Variants in INPP1 observed in about 807,000 individuals in gnomAD.
INPP1 encodes inositol polyphosphate-1-phosphatase, also known as inositol polyphosphate 1-phosphatase.
Under a neutral mutation model 23.0 loss-of-function variants are expected in INPP1, and 18 were observed. The observed-to-expected ratio is 0.78, with a 90% confidence interval of 0.54 to 1.16. INPP1 has a LOEUF of 1.16. INPP1 is among the 50% of genes most tolerant of loss of function. The pLI is 0.00. For synonymous variants in INPP1, 164 were observed against 176.3 expected (o/e 0.93, Z 0.55); for missense variants, 448 against 482.1 (o/e 0.93, Z 0.66).
In INPP1 at chr2:190,371,138, A is replaced by G; in HGVS notation, c.936A>G (p.Thr312=). 6.2e-7 allele frequency: 1 copy of G among 1,614,188 alleles called. No homozygotes were observed. The highest frequency in any genetic ancestry group is 8.5e-7 in the Non-Finnish European group (1 of 1,180,036). ...VDIYIFSEDT[T]FKWDSCAAHA... The stretch of plus-strand genomic sequence containing the variant: ...TTTACATCTTTTCAGAAGATACCAC[A>G]TTCAAATGGGACTCTTGTGCTGCTC... Residue 312 remains threonine, a synonymous_variant, in exon 7 of 7, where the codon ACA becomes ACG. Transcript: ENST00000392329. The surrounding 1 kb of genome is among the most constrained non-coding windows in gnomAD (Gnocchi z 5.3).
At chr2:190,353,155 C>T (rs139755499) in intron 2 of INPP1, among the ~76,000 whole-genome samples, 1 of 152,296 alleles carries the variant, frequency 6.6e-6, no homozygotes, top group East Asian at 1.9e-4. Context: ...AACAAAAGGG[C>T]ACAGCCAGCT....
At chr2:190,348,517 C>T (rs1313254446) in intron 1 of INPP1, among the ~76,000 whole-genome samples, 1 of 152,170 alleles carries the variant, frequency 6.6e-6, no homozygotes, top group East Asian at 1.9e-4. Context: ...TCATCCCACA[C>T]AAAAACTATA....
At position 190,351,849 on chromosome 2, in the gene INPP1, A is replaced by T. The variant is rs183754259; in HGVS notation, c.-65+2818A>T. Among the ~76,000 whole-genome samples, 231 of 152,368 alleles carry T rather than the reference A, an allele frequency of 1.5e-3. 3 individuals carry two copies. Among genetic ancestry groups the T allele is most frequent in the Admixed American group, 5.7e-3 (87 of 15,312 alleles). ...AAGGGAAATTAAATTGCTGGATCAT[A>T]GATTATACTTATAGTCAACAAATTA... On this transcript the variant is annotated intron_variant, in intron 2 of 6. Coordinates refer to ENST00000392329, the MANE Select transcript of INPP1 (RefSeq NM_001128928.2).
In INPP1 at chr2:190,346,503, T is replaced by G. The variant is rs1689218066; in HGVS notation, c.-208-2385T>G. 6.6e-6 allele frequency among the ~76,000 whole-genome samples: 1 copy of G among 152,246 alleles called. No individual in the cohort carries two copies. The highest frequency in any genetic ancestry group is 1.5e-5 in the Non-Finnish European group (1 of 68,050). Reference sequence around the variant, plus strand: ...TTTTTTATGTGGTATGTAATGTTAATTCAATTTCTTGAATGTGATAAGAGC... The same window carrying G: ...TTTTTTATGTGGTATGTAATGTTAAGTCAATTTCTTGAATGTGATAAGAGC... On this transcript the variant is annotated intron_variant, in intron 1 of 6. Transcript: ENST00000392329. The surrounding 1 kb of genome is among the most constrained non-coding windows in gnomAD (Gnocchi z 5.1).
At position 190,346,579 on chromosome 2, in the gene INPP1, C is replaced by A. The variant is rs1309610724; in HGVS notation, c.-208-2309C>A. 1.3e-5 allele frequency among the ~76,000 whole-genome samples: 2 copies of A among 152,096 alleles called. No individual in the cohort carries two copies. Among genetic ancestry groups the A allele is most frequent in the African/African-American group, 4.8e-5 (2 of 41,404 alleles). On this transcript the variant is annotated intron_variant, in intron 1 of 6. Coordinates refer to ENST00000392329, the MANE Select transcript of INPP1 (RefSeq NM_001128928.2). The surrounding 1 kb of genome is among the most constrained non-coding windows in gnomAD (Gnocchi z 5.1). ...GATTACTGTAACTAGTAATCCACAG[C>A]AAAATATTGTACCTAATAATTTCTC...
rs548765147 is a variant in INPP1 at position 190,352,637 on chromosome 2, T to C, written c.-65+3606T>C. Reference sequence around the variant, plus strand: ...CCCTGTCCCTTCTGCACAAACAACCTCCAATCTTTAAAACTACTCCCCAAG... The same window carrying C: ...CCCTGTCCCTTCTGCACAAACAACCCCCAATCTTTAAAACTACTCCCCAAG... On this transcript the variant is annotated intron_variant, in intron 2 of 6. Coordinates refer to ENST00000392329, the MANE Select transcript of INPP1 (RefSeq NM_001128928.2). The surrounding 1 kb of genome is among the most constrained non-coding windows in gnomAD (Gnocchi z 4.7). 6.6e-6 allele frequency among the ~76,000 whole-genome samples: 1 copy of C among 152,022 alleles called. No individual in the cohort carries two copies. The highest frequency in any genetic ancestry group is 2.1e-4 in the South Asian group (1 of 4,810).
Position 190,349,001 on chromosome 2 carries a change from G to A in INPP1, c.-95G>A, listed in dbSNP as rs1182834206. The A allele has an allele frequency of 1.3e-5, 2 of 152,212 alleles. No homozygotes were observed. Among genetic ancestry groups the A allele is most frequent in the Admixed American group, 6.5e-5 (1 of 15,292 alleles). The allele number at this position is 152,212 out of a possible 1,614,324, so 9.4% of individuals were successfully genotyped here. On this transcript the variant is annotated 5_prime_UTR_variant, in exon 2 of 7. Coordinates refer to ENST00000392329, the MANE Select transcript of INPP1 (RefSeq NM_001128928.2). ...GGCTCTTTCTACCGCACACCCTGCA[G>A]GCCCATCCAGGCCCATCCAGACAAT... is the stretch of plus-strand genomic sequence containing the variant.
chr2:190,370,311 T>C (rs1478481972), intron 6 of INPP1, among the ~76,000 whole-genome samples: 1 of 152,180 alleles, frequency 6.6e-6, no homozygotes, highest in Non-Finnish European at 1.5e-5. Flanking sequence ...AAGTTAAGCA[T>C]TGATAAAGGG....
At position 190,355,608 on chromosome 2, in the gene INPP1, G is replaced by A. The variant is rs1379516139; in HGVS notation, c.-64-4431G>A. Among the ~76,000 whole-genome samples the A allele has an allele frequency of 3.9e-5, 6 of 152,100 alleles. No individual in the cohort carries two copies. The highest frequency in any genetic ancestry group is 7.4e-5 in the Non-Finnish European group (5 of 68,016). ...GCCATCTTGGGTAATTCTGATACAGGTAACTCTCAGAACATCCATTGAGAA... is the reference window on the plus strand; with the variant it reads ...GCCATCTTGGGTAATTCTGATACAGATAACTCTCAGAACATCCATTGAGAA... On this transcript the variant is annotated intron_variant, in intron 2 of 6. Coordinates refer to ENST00000392329, the MANE Select transcript of INPP1 (RefSeq NM_001128928.2). This position sits in a 1 kb window ranked among gnomAD's most constrained non-coding sequence, Gnocchi z 5.1.
Position 190,360,181 on chromosome 2 carries a change from G to C in INPP1, c.79G>C (p.Ala27Pro). 6.2e-7 allele frequency: 1 copy of C among 1,614,196 alleles called. No homozygotes were observed. Among genetic ancestry groups the C allele is most frequent in the Non-Finnish European group, 8.5e-7 (1 of 1,180,034 alleles). ...TGCCCGGGCGTGCAGACAGCAGGAA[G>C]CCCTCTTCCAGCTGCTGATCGAAGA... Reference protein sequence around the residue: ...NIARACRQQEALFQLLIEEKK... With the variant: ...NIARACRQQEPLFQLLIEEKK... The change falls in exon 3 of 7, where the codon GCC (alanine) becomes CCC (proline). Residue 27 changes from alanine to proline, a missense_variant. Ala to Pro is a conservative substitution (Grantham distance 27, BLOSUM62 -1). Coordinates refer to ENST00000392329, the MANE Select transcript of INPP1 (RefSeq NM_001128928.2).
chr2:190,350,794 A>T (rs1452536690), intron 2 of INPP1, among the ~76,000 whole-genome samples: 4 of 152,234 alleles, frequency 2.6e-5, no homozygotes, highest in African/African-American at 4.8e-5. Context: ...CACAAAACCA[A>T]ATTAAACTCA....
chr2:190,366,558 GCTCT>G, intron 4 of INPP1, 133 bp from the exon 5 acceptor site: 5 of 653,238 alleles, frequency 7.7e-6, no homozygotes, highest in South Asian at 7.2e-5. Flanking sequence ...GCTCTGTCTC[GCTCT>G]CTGTGTCTCT....
At chr2:190,359,913 A>G (rs1186015643) in intron 2 of INPP1, 126 bp from the exon 3 acceptor site, 4 of 575,252 alleles carry the variant, frequency 7.0e-6, no homozygotes, top group Non-Finnish European at 1.2e-5. Context: ...GGATGTGAAT[A>G]TGATATAGAC....
At chr2:190,348,370 C>G (rs1689264103) in intron 1 of INPP1, among the ~76,000 whole-genome samples, 1 of 151,538 alleles carries the variant, frequency 6.6e-6, no homozygotes, top group African/African-American at 2.4e-5. Context: ...TTTTTTTTAA[C>G]TTTAAAAAAA....
At position 190,368,377 on chromosome 2, in the gene INPP1, CTCTT is replaced by C; in HGVS notation, c.467-721_467-718del. Among the ~76,000 whole-genome samples, 1 of 152,314 alleles carries C rather than the reference CTCTT, an allele frequency of 6.6e-6. No individual in the cohort carries two copies. Among genetic ancestry groups the C allele is most frequent in the East Asian group, 1.9e-4 (1 of 5,190 alleles). On this transcript the variant is annotated intron_variant, in intron 5 of 6. Coordinates refer to ENST00000392329, the MANE Select transcript of INPP1 (RefSeq NM_001128928.2). This position sits in a 1 kb window ranked among gnomAD's most constrained non-coding sequence, Gnocchi z 4.3. ...CTTTTTTTGGTGCCACCATCATTGT[CTCTT>C]TCTTCCTTCTAACTTGAGGGACCAA...
chr2:190,347,225 A>G (rs959836482), intron 1 of INPP1, among the ~76,000 whole-genome samples: 7 of 151,720 alleles, frequency 4.6e-5, no homozygotes, highest in African/African-American at 1.7e-4. Flanking sequence ...GTTAGCCAGG[A>G]TGGTCTCGAT....
chr2:190,362,681 G>T lies in INPP1; in HGVS notation c.259G>T (p.Asp87Tyr), dbSNP rs1476958379. The change falls in exon 4 of 7, where the codon GAC becomes TAC. Residue 87 changes from aspartate to tyrosine, a missense_variant. Coordinates refer to ENST00000392329, the MANE Select transcript of INPP1 (RefSeq NM_001128928.2). ...FGEESNEFTN[D>Y]WGEKITLRLC... ...AGAAGAATCCAATGAGTTTACTAAT[G>T]ACTGGGGTAAGTATAAGAATCTTAA... is the stretch of plus-strand genomic sequence containing the variant. 2 of 1,587,484 alleles carry T rather than the reference G, an allele frequency of 1.3e-6. No individual in the cohort carries two copies. Among genetic ancestry groups the T allele is most frequent in the South Asian group, 2.2e-5 (2 of 89,312 alleles).
chr2:190,362,686 G>T lies in INPP1; in HGVS notation c.264G>T (p.Trp88Cys). The change falls in exon 4 of 7, where the codon TGG becomes TGT. Residue 88 changes from tryptophan (W) to cysteine (C), a missense_variant and splice_region_variant. By Grantham distance (215) the Trp-to-Cys change is radical. Coordinates refer to ENST00000392329, the MANE Select transcript of INPP1 (RefSeq NM_001128928.2). ...GEESNEFTND[W>C]GEKITLRLCS... ...AATCCAATGAGTTTACTAATGACTG[G>T]GGTAAGTATAAGAATCTTAATGTGT... is the stretch of plus-strand genomic sequence containing the variant. 1 of 1,580,380 alleles carries T rather than the reference G, an allele frequency of 6.3e-7. No individual in the cohort carries two copies. Among genetic ancestry groups the T allele is most frequent in the Non-Finnish European group, 8.7e-7 (1 of 1,152,260 alleles).
intron 4 of INPP1, chr2:190,362,902 T>C: frequency 2.8e-6 from 1 of 356,762 alleles, no homozygotes; most frequent in Non-Finnish European, 5.1e-6. Context: ...AGCAAGTCCA[T>C]GTATCATTTT....
Sources: allele counts gnomAD v4.1 joint callset (sites outside exome capture counted in the v4.1 genomes callset), GRCh38; gene constraint gnomAD v4.1.1; non-coding constraint Gnocchi (gnomAD v3.1); transcripts MANE v1.5; gene names NCBI Gene and HGNC (gene_info 2026-07-23, HGNC 2026-07-21).